The following ARID5B variants were observed in gnomAD, a reference collection of about 807,000 sequenced individuals.
The protein encoded by ARID5B is AT-rich interactive domain-containing protein 5B.
Under a neutral mutation model 97.2 loss-of-function variants are expected in ARID5B, and 13 were observed. That is an observed-to-expected ratio of 0.13 (90% CI 0.09 to 0.21). ARID5B has a LOEUF of 0.21. ARID5B is among the 10% of genes least tolerant of loss of function. ARID5B has a pLI of 1.00. For missense variants in ARID5B, 1,210 were observed against 1,465.3 expected (o/e 0.83, Z 2.84); for synonymous variants, 556 against 570.3 (o/e 0.97, Z 0.36).
intron 2 of ARID5B, among the ~76,000 whole-genome samples, chr10:61,904,026 C>G (rs966455598): frequency 5.3e-5 from 8 of 150,882 alleles, no homozygotes; most frequent in Non-Finnish European, 1.2e-4. Flanking sequence ...GAGCTCTTTC[C>G]CCCTCCCAAG....
chr10:62,053,997 C>T (rs148947098), intron 5 of ARID5B, among the ~76,000 whole-genome samples: 1 of 152,278 alleles, frequency 6.6e-6, no homozygotes, highest in African/African-American at 2.4e-5. Flanking sequence ...CTTACTGCCC[C>T]AGTTGAAGGC....
At chr10:62,038,156 G>A (rs958952172) in intron 4 of ARID5B, among the ~76,000 whole-genome samples, 1 of 152,170 alleles carries the variant, frequency 6.6e-6, no homozygotes, top group East Asian at 1.9e-4. Context: ...GGATGGGCCT[G>A]TTAGGCAGGA....
chr10:61,993,127 AC>A (rs1838949851), intron 3 of ARID5B, among the ~76,000 whole-genome samples: 1 of 147,710 alleles, frequency 6.8e-6, no homozygotes, highest in African/African-American at 2.6e-5. Flanking sequence ...AGATACACAC[AC>A]ACACACACAC....
At chr10:62,038,688 A>C (rs1470351919) in intron 4 of ARID5B, among the ~76,000 whole-genome samples, 1 of 152,234 alleles carries the variant, frequency 6.6e-6, no homozygotes, top group Non-Finnish European at 1.5e-5. Flanking sequence ...CTGAAAATGT[A>C]AATTCTAAAA....
chr10:61,956,642 T>C lies in ARID5B; in HGVS notation c.502+16234T>C, dbSNP rs145398545. 2.3e-4 allele frequency among the ~76,000 whole-genome samples: 35 copies of C among 152,352 alleles called. No homozygotes were observed. The East Asian group carries it at 6.5e-3, about 29-fold the overall frequency. On this transcript the variant is annotated intron_variant, in intron 3 of 9. Coordinates refer to ENST00000279873, the MANE Select transcript of ARID5B (RefSeq NM_032199.3). ...AATAACCTCAATCTCACATTCCTTA[T>C]ACAGTGTGATTTCTAGTTCCTTCAC...
At chr10:62,050,636 T>C (rs551829224) in intron 4 of ARID5B, among the ~76,000 whole-genome samples, 11 of 152,320 alleles carry the variant, frequency 7.2e-5, no homozygotes, top group African/African-American at 2.6e-4. Context: ...AGCTAAGAGC[T>C]TCGTGTTACT....
intron 3 of ARID5B, among the ~76,000 whole-genome samples, chr10:61,992,767 A>G (rs1838944374): frequency 6.6e-6 from 1 of 152,094 alleles, no homozygotes; most frequent in Non-Finnish European, 1.5e-5. Context: ...AAAGTACATT[A>G]TCTTTTTATT....
intron 2 of ARID5B, among the ~76,000 whole-genome samples, chr10:61,917,169 A>C (rs1026542082): frequency 9.9e-5 from 15 of 151,844 alleles, no homozygotes; most frequent in African/African-American, 3.6e-4. Flanking sequence ...CTAGTAAAAA[A>C]AAAAAAAAAA....
intron 1 of ARID5B, 81 bp downstream of exon 1, chr10:61,901,811 C>A: frequency 8.9e-7 from 1 of 1,124,524 alleles, no homozygotes; most frequent in Non-Finnish European, 1.3e-6. Flanking sequence ...ACCTCTGCAC[C>A]CACCCACACC....
At chr10:62,065,435 A>C (rs796102090) in intron 7 of ARID5B, among the ~76,000 whole-genome samples, 3 of 152,328 alleles carry the variant, frequency 2.0e-5, no homozygotes, top group African/African-American at 7.2e-5. Flanking sequence ...TAGTGCCCGA[A>C]AATGGTAAGC....
At chr10:61,963,701 A>C (rs958571404) in intron 3 of ARID5B, among the ~76,000 whole-genome samples, 5 of 151,934 alleles carry the variant, frequency 3.3e-5, no homozygotes, top group African/African-American at 1.2e-4. Flanking sequence ...TGGGAGGTTG[A>C]GAACTGCTTG....
intron 3 of ARID5B, among the ~76,000 whole-genome samples, chr10:61,974,701 G>T (rs375489119): frequency 1.3e-5 from 2 of 152,208 alleles, no homozygotes; most frequent in East Asian, 1.9e-4. Flanking sequence ...ATTTACATGC[G>T]CTTTTCTCCT....
intron 4 of ARID5B, among the ~76,000 whole-genome samples, chr10:62,043,317 A>G (rs1839665423): frequency 1.3e-5 from 2 of 152,220 alleles, no homozygotes; most frequent in Admixed American, 1.3e-4. Flanking sequence ...AGCAGTAGTG[A>G]AAAGCATCTA....
At chr10:61,938,459 C>T (rs1844342661) in intron 2 of ARID5B, among the ~76,000 whole-genome samples, 1 of 152,154 alleles carries the variant, frequency 6.6e-6, no homozygotes, top group African/African-American at 2.4e-5. Flanking sequence ...TGTCACCTGT[C>T]CAGAAGCTGT....
At chr10:62,008,087 C>T (rs1007405045) in intron 4 of ARID5B, among the ~76,000 whole-genome samples, 3 of 143,752 alleles carry the variant, frequency 2.1e-5, no homozygotes, top group African/African-American at 7.7e-5. Flanking sequence ...CACACACACA[C>T]ACACACACAC....
intron 2 of ARID5B, among the ~76,000 whole-genome samples, chr10:61,938,635 C>T (rs1373136285): frequency 6.6e-6 from 1 of 152,022 alleles, no homozygotes; most frequent in East Asian, 1.9e-4. Context: ...GTAATGGGCC[C>T]CATTGTTTAT....
chr10:62,034,894 A>G (rs550250584), intron 4 of ARID5B, among the ~76,000 whole-genome samples: 2 of 152,356 alleles, frequency 1.3e-5, no homozygotes, highest in Admixed American at 6.5e-5. Flanking sequence ...CTCACCAGGC[A>G]GTCTGCCATC....
At chr10:62,006,735 G>A (rs958788529) in intron 4 of ARID5B, among the ~76,000 whole-genome samples, 3 of 152,188 alleles carry the variant, frequency 2.0e-5, no homozygotes, top group Non-Finnish European at 2.9e-5. Context: ...TTTCTCTTGG[G>A]AAAAGAATTT....
chr10:61,997,989 C>G (rs1186735959), intron 3 of ARID5B, among the ~76,000 whole-genome samples: 1 of 152,168 alleles, frequency 6.6e-6, no homozygotes, highest in Non-Finnish European at 1.5e-5. Context: ...CATTGGGGGA[C>G]TTGCCTTCAA....
Sources: gnomAD v4.1 joint callset for allele counts (sites outside exome capture counted in the v4.1 genomes callset) on GRCh38, gnomAD v4.1.1 for gene constraint, MANE v1.5 for transcripts, NCBI Gene and HGNC (gene_info 2026-07-23, HGNC 2026-07-21) for gene names.